Variants in UNC5C observed in about 807,000 individuals in gnomAD.
The protein encoded by UNC5C is netrin receptor UNC5C.
Under a neutral mutation model 99.8 loss-of-function variants are expected in UNC5C, and 47 were observed. That is an observed-to-expected ratio of 0.47 (90% CI 0.37 to 0.60). The LOEUF is 0.60. Ranked by LOEUF, UNC5C falls within the 20% of genes least tolerant of loss-of-function variation. UNC5C has a pLI of 0.00. For synonymous variants in UNC5C, 487 were observed against 452.2 expected, an observed-to-expected ratio of 1.08 and a Z score of -0.98; for missense variants, 1,062 against 1,165.9, an observed-to-expected ratio of 0.91 and a Z score of 1.30.
intron 1 of UNC5C, among the ~76,000 whole-genome samples, chr4:95,341,083 C>A (rs1301554912): frequency 6.6e-6 from 1 of 152,004 alleles, no homozygotes; most frequent in Non-Finnish European, 1.5e-5. Flanking sequence ...TAGAATTTGA[C>A]AATATAAGTA....
chr4:95,190,138 A>T (rs1429006137), intron 12 of UNC5C, among the ~76,000 whole-genome samples: 1 of 152,234 alleles, frequency 6.6e-6, no homozygotes, highest in Non-Finnish European at 1.5e-5. Flanking sequence ...TGGCACATAT[A>T]CACACGAAAT....
chr4:95,321,795 TTA>T (rs1303366082), intron 2 of UNC5C, among the ~76,000 whole-genome samples: 1 of 152,200 alleles, frequency 6.6e-6, no homozygotes, highest in Non-Finnish European at 1.5e-5. Flanking sequence ...TGATATTCTG[TTA>T]TGACTAACCA....
At chr4:95,522,671 T>C (rs1722390276) in intron 1 of UNC5C, among the ~76,000 whole-genome samples, 1 of 152,206 alleles carries the variant, frequency 6.6e-6, no homozygotes, top group Admixed American at 6.5e-5. Flanking sequence ...GTAAATTCTC[T>C]TATCACCATT....
chr4:95,420,173 A>G (rs1746276714), intron 1 of UNC5C, among the ~76,000 whole-genome samples: 1 of 152,182 alleles, frequency 6.6e-6, no homozygotes, highest in Admixed American at 6.5e-5. Context: ...TAAACGTTTT[A>G]TTGGAAAATA....
chr4:95,217,610 T>C (rs1039669580), intron 9 of UNC5C, among the ~76,000 whole-genome samples: 24 of 152,308 alleles, frequency 1.6e-4, no homozygotes, highest in African/African-American at 5.3e-4. Flanking sequence ...GCCTAATACA[T>C]AGGAAGAATT....
intron 1 of UNC5C, among the ~76,000 whole-genome samples, chr4:95,379,359 T>A (rs1191615482): frequency 6.6e-6 from 1 of 152,204 alleles, no homozygotes; most frequent in Non-Finnish European, 1.5e-5. Context: ...ACAATGACTA[T>A]CATGTAGCAA....
chr4:95,200,897 C>T (rs973122258), intron 12 of UNC5C, among the ~76,000 whole-genome samples: 7 of 151,968 alleles, frequency 4.6e-5, no homozygotes, highest in African/African-American at 1.2e-4. Flanking sequence ...AATCCTAACC[C>T]CCAGTGTGAT....
intron 13 of UNC5C, among the ~76,000 whole-genome samples, chr4:95,184,375 A>AAAT (rs1736747532): frequency 6.6e-6 from 1 of 152,188 alleles, no homozygotes; most frequent in African/African-American, 2.4e-5. Context: ...GAATTTGCAT[A>AAAT]AATATCAACA....
intron 14 of UNC5C, among the ~76,000 whole-genome samples, chr4:95,178,514 A>C (rs1392516227): frequency 6.6e-6 from 1 of 152,196 alleles, no homozygotes; most frequent in Non-Finnish European, 1.5e-5. Context: ...GACCTCTATG[A>C]TAACACTGTG....
At chr4:95,382,755 T>C (rs1745107514) in intron 1 of UNC5C, among the ~76,000 whole-genome samples, 1 of 152,178 alleles carries the variant, frequency 6.6e-6, no homozygotes, top group South Asian at 2.1e-4. Flanking sequence ...TTTAAATTGA[T>C]TCTCCTACTT....
At position 95,181,753 on chromosome 4, in the gene UNC5C, C is replaced by A. The variant is rs1258866976; in HGVS notation, c.2451+1144G>T. ...ACTACAGGAGGAAATGATGACCGCA[C>A]CTCGGCAGGCTGTGGGAAAGAAAGA... is the stretch of plus-strand genomic sequence containing the variant. On this transcript the variant is annotated intron_variant, in intron 14 of 15. Transcript: ENST00000453304. 2.6e-5 allele frequency among the ~76,000 whole-genome samples: 4 copies of A among 152,056 alleles called. No homozygotes were observed. The East Asian group carries it at 7.7e-4, about 29-fold the overall frequency.
intron 1 of UNC5C, among the ~76,000 whole-genome samples, chr4:95,355,603 T>C (rs1279936160): frequency 3.3e-5 from 5 of 152,020 alleles, no homozygotes; most frequent in African/African-American, 1.2e-4. Flanking sequence ...TGTTCTTTTC[T>C]GCGCCCCACC....
At chr4:95,500,629 A>C (rs907980149) in intron 1 of UNC5C, among the ~76,000 whole-genome samples, 2 of 152,078 alleles carry the variant, frequency 1.3e-5, no homozygotes, top group African/African-American at 2.4e-5. Flanking sequence ...GATTAAGGAG[A>C]GCTATTATAT....
rs114790325 is a variant in UNC5C at position 95,469,594 on chromosome 4, G to A, written c.124+79140C>T. On this transcript the variant is annotated intron_variant, in intron 1 of 15. Transcript: ENST00000453304. ...ATTTCCTTTCTTTTTTTTTACAATC[G>A]TCCTTAAACTGTATTCATTTATCTT... 5.7e-3 allele frequency among the ~76,000 whole-genome samples: 859 copies of A among 151,756 alleles called. 7 individuals carry two copies. Among genetic ancestry groups the A allele is most frequent in the African/African-American group, 0.019 (792 of 41,352 alleles).
In UNC5C at chr4:95,202,737, G is replaced by T; in HGVS notation, c.2130C>A (p.Ala710=). 6.2e-7 allele frequency: 1 copy of T among 1,613,962 alleles called. No homozygotes were observed. Among genetic ancestry groups the T allele is most frequent in the South Asian group, 1.1e-5 (1 of 91,054 alleles). The part of the protein sequence containing the change: ...RVYCLDDTQD[A]LKEILHLERQ... Reference sequence around the variant, plus strand: ...CTAGGTGGGAGGCACTTACCTTCAGGGCATCCTGGGTGTCATCCAGACAGT... The same window carrying T: ...CTAGGTGGGAGGCACTTACCTTCAGTGCATCCTGGGTGTCATCCAGACAGT... The change falls in exon 12 of 16, where the codon GCC becomes GCA. Residue 710 remains alanine (A), a synonymous_variant. Coordinates refer to ENST00000453304, the MANE Select transcript of UNC5C (RefSeq NM_003728.4).
chr4:95,532,923 G>C (rs1052298730), intron 1 of UNC5C, among the ~76,000 whole-genome samples: 7 of 133,004 alleles, frequency 5.3e-5, no homozygotes, highest in Middle Eastern at 3.9e-3. Flanking sequence ...AAAAAAAAAA[G>C]GTTTTAAGAA....
At chr4:95,299,176 C>T (rs1337152865) in intron 3 of UNC5C, among the ~76,000 whole-genome samples, 2 of 152,094 alleles carry the variant, frequency 1.3e-5, no homozygotes, top group Non-Finnish European at 2.9e-5. Flanking sequence ...TGGGCCCCAA[C>T]CCAATCTGAC....
intron 3 of UNC5C, among the ~76,000 whole-genome samples, chr4:95,299,697 G>A (rs552830715): frequency 6.6e-6 from 1 of 152,158 alleles, no homozygotes; most frequent in Admixed American, 6.5e-5. Context: ...AGGCAAGAGG[G>A]CATGTACAAG....
At chr4:95,199,402 A>G (rs1242180992) in intron 12 of UNC5C, among the ~76,000 whole-genome samples, 2 of 152,158 alleles carry the variant, frequency 1.3e-5, no homozygotes, top group East Asian at 1.9e-4. Flanking sequence ...CATTATTAAA[A>G]GGCCATGAGG....
Sources: gnomAD v4.1 joint callset for allele counts (sites outside exome capture counted in the v4.1 genomes callset) on GRCh38, gnomAD v4.1.1 for gene constraint, MANE v1.5 for transcripts, NCBI Gene and HGNC (gene_info 2026-07-23, HGNC 2026-07-21) for gene names.